The following CCDC7 variants were observed in gnomAD, a reference collection of about 807,000 sequenced individuals.
CCDC7 encodes coiled-coil domain-containing protein 7.
CCDC7 carries 183 observed loss-of-function variants against 196.9 expected under a neutral mutation model. The observed-to-expected ratio is 0.93, with a 90% CI of 0.82 to 1.05. CCDC7 has a LOEUF of 1.05. Ranked by LOEUF, CCDC7 falls within the 50% of genes least tolerant of loss-of-function variation. The pLI, the probability that CCDC7 is intolerant of heterozygous loss-of-function variation, is 0.00. For missense variants in CCDC7, 1,540 were observed against 1,482.2 expected, an observed-to-expected ratio of 1.04 and a Z score of -0.64; for synonymous variants, 525 against 484.6, an observed-to-expected ratio of 1.08 and a Z score of -1.10.
chr10:32,876,554 G>C (rs2094601433), downstream of CCDC7: 1 of 588,468 alleles, frequency 1.7e-6, no homozygotes, highest in East Asian at 3.2e-5. Flanking sequence ...GGTAGGCCCA[G>C]ATCACAGAAG....
intron 41 of CCDC7, among the ~76,000 whole-genome samples, chr10:32,874,752 C>G (rs867485200): frequency 2.0e-5 from 1 of 49,404 alleles, no homozygotes; most frequent in Non-Finnish European, 5.4e-5. Flanking sequence ...ACCAACATAT[C>G]TACACACACA....
chr10:32,633,027 T>C (rs1265944431), intron 18 of CCDC7, among the ~76,000 whole-genome samples: 1 of 152,190 alleles, frequency 6.6e-6, no homozygotes, highest in Non-Finnish European at 1.5e-5. Context: ...CAGTCTATTA[T>C]TTAAAGTGGG....
Position 32,819,525 on chromosome 10 carries a change from T to G in CCDC7, c.3182-4993T>G, listed in dbSNP as rs1490345754. On this transcript the variant is annotated intron_variant, in intron 31 of 41. Coordinates refer to ENST00000639629, the Ensembl canonical transcript of CCDC7. ...GAGACACAACAAAAAAAAGAGAATTTTAGACCAATATCCCTCATGAACATC... is the reference window on the plus strand; with the variant it reads ...GAGACACAACAAAAAAAAGAGAATTGTAGACCAATATCCCTCATGAACATC... 2.0e-5 allele frequency among the ~76,000 whole-genome samples: 3 copies of G among 152,158 alleles called. No individual in the cohort carries two copies. In the East Asian group the frequency reaches 5.8e-4, roughly 29 times the overall value.
At chr10:32,516,992 A>G (rs1284289227) in intron 9 of CCDC7, among the ~76,000 whole-genome samples, 7 of 152,248 alleles carry the variant, frequency 4.6e-5, no homozygotes, top group Non-Finnish European at 7.3e-5. Context: ...ACATAGATAA[A>G]CATAGATTAT....
chr10:32,640,231 TG>T (rs1564923763), intron 20 of CCDC7, among the ~76,000 whole-genome samples: 1 of 152,228 alleles, frequency 6.6e-6, no homozygotes, highest in Admixed American at 6.5e-5. Flanking sequence ...GCTCCTGTAT[TG>T]GGTGCATACA....
At chr10:32,672,163 G>A (rs1478737344) in intron 21 of CCDC7, among the ~76,000 whole-genome samples, 1 of 152,104 alleles carries the variant, frequency 6.6e-6, no homozygotes, top group Non-Finnish European at 1.5e-5. Context: ...TTATGCCCAG[G>A]GCACATGCAC....
At chr10:32,459,620 T>A (rs983218352) in intron 3 of CCDC7, among the ~76,000 whole-genome samples, 1 of 146,426 alleles carries the variant, frequency 6.8e-6, no homozygotes, top group Admixed American at 6.9e-5. Context: ...AATTGGAGCA[T>A]AAGCCTTTGG....
At chr10:32,779,334 A>G (rs1482627447) in intron 29 of CCDC7, among the ~76,000 whole-genome samples, 2 of 152,216 alleles carry the variant, frequency 1.3e-5, no homozygotes, top group African/African-American at 2.4e-5. Context: ...AACAAAATAC[A>G]TATAGGCTTT....
At chr10:32,872,734 G>A (rs1020493589) in intron 41 of CCDC7, among the ~76,000 whole-genome samples, 9 of 151,918 alleles carry the variant, frequency 5.9e-5, no homozygotes, top group South Asian at 2.1e-4. Context: ...GGCAGGCCTG[G>A]TGGTGACAAA....
intron 24 of CCDC7, among the ~76,000 whole-genome samples, 175 bp downstream of exon 25, chr10:32,695,167 T>A (rs2077554105): frequency 6.6e-6 from 1 of 152,168 alleles, no homozygotes; most frequent in African/African-American, 2.4e-5. Flanking sequence ...TGGTTGGAAT[T>A]TCTGGTCTTG....
intron 33 of CCDC7, among the ~76,000 whole-genome samples, chr10:32,838,841 A>G (rs1017821570): frequency 2.6e-5 from 4 of 152,062 alleles, no homozygotes; most frequent in African/African-American, 9.7e-5. Flanking sequence ...AGCCTCCTTA[A>G]ATAAAACAAT....
intron 28 of CCDC7, among the ~76,000 whole-genome samples, chr10:32,753,011 A>G (rs1425672541): frequency 6.6e-6 from 1 of 152,210 alleles, no homozygotes; most frequent in Admixed American, 6.5e-5. Flanking sequence ...GCAATTTAAT[A>G]TGGGAAATTA....
At chr10:32,766,168 G>A (rs2078262727) in intron 28 of CCDC7, among the ~76,000 whole-genome samples, 2 of 152,188 alleles carry the variant, frequency 1.3e-5, no homozygotes, top group African/African-American at 4.8e-5. Flanking sequence ...ATCATGAAAT[G>A]TTTAGAAGTC....
At chr10:32,823,526 ATAG>A (rs935687680) in intron 31 of CCDC7, among the ~76,000 whole-genome samples, 7 of 152,144 alleles carry the variant, frequency 4.6e-5, no homozygotes, top group Admixed American at 1.3e-4. Context: ...TGCCATGATA[ATAG>A]TGCAAATTTT....
rs577457980 is a variant in CCDC7, at chr10:32,558,885, G to A, written c.1135-6673G>A. Among the ~76,000 whole-genome samples the A allele has an allele frequency of 1.6e-4, 24 of 152,342 alleles. 1 individual carries two copies. In the South Asian group the frequency reaches 2.7e-3, roughly 17 times the overall value. On this transcript the variant is annotated intron_variant, in intron 13 of 41. Coordinates refer to ENST00000639629, the Ensembl canonical transcript of CCDC7. The stretch of plus-strand genomic sequence containing the variant: ...CGAGGCATTGCCTCACTCGGGAAGC[G>A]CAAGGGGTCAGGGAGTTCCCTTTCC...
chr10:32,650,531 G>A (rs1198666419), intron 20 of CCDC7, among the ~76,000 whole-genome samples: 1 of 152,164 alleles, frequency 6.6e-6, no homozygotes, highest in African/African-American at 2.4e-5. Context: ...GGGCCACAGG[G>A]CTCCCTTAGG....
chr10:32,521,103 C>T (rs1448758085), intron 11 of CCDC7, among the ~76,000 whole-genome samples: 1 of 152,056 alleles, frequency 6.6e-6, no homozygotes, highest in African/African-American at 2.4e-5. Flanking sequence ...AACTACCATG[C>T]TGTTTTGTTT....
At chr10:32,869,746 G>T (rs1472093263) in intron 41 of CCDC7, among the ~76,000 whole-genome samples, 1 of 151,688 alleles carries the variant, frequency 6.6e-6, no homozygotes, top group Non-Finnish European at 1.5e-5. Context: ...TTTGTATAAG[G>T]TGTAAGGAAG....
chr10:32,655,295 A>G (rs1254120198), intron 20 of CCDC7, among the ~76,000 whole-genome samples: 2 of 152,190 alleles, frequency 1.3e-5, no homozygotes, highest in African/African-American at 4.8e-5. Flanking sequence ...GTCAGCCATT[A>G]GAAAATGTAT....
Sources: gnomAD v4.1 joint callset for allele counts (sites outside exome capture counted in the v4.1 genomes callset) on GRCh38, gnomAD v4.1.1 for gene constraint, MANE v1.5 for transcripts, NCBI Gene and HGNC (gene_info 2026-07-23, HGNC 2026-07-21) for gene names.